FMNL2: variants seen among roughly 807,000 people sequenced by gnomAD.
FMNL2 encodes formin like 2, also known as formin-like protein 2.
A neutral mutation model predicts 130.2 loss-of-function variants in FMNL2; 51 were observed. The observed-to-expected ratio is 0.39, with a 90% CI of 0.31 to 0.49. The LOEUF is 0.49. Ranked by LOEUF, FMNL2 falls within the 20% of genes least tolerant of loss-of-function variation. The pLI, the probability that FMNL2 is intolerant of heterozygous loss-of-function variation, is 0.85. For missense variants in FMNL2, 977 were observed against 1,316.2 expected, an observed-to-expected ratio of 0.74 and a Z score of 3.99; for synonymous variants, 465 against 467.1, an observed-to-expected ratio of 1.00 and a Z score of 0.06.
At chr2:152,481,070 T>TA (rs1166229133) in intron 1 of FMNL2, among the ~76,000 whole-genome samples, 1 of 152,246 alleles carries the variant, frequency 6.6e-6, no homozygotes, top group African/African-American at 2.4e-5. Context: ...TGCTTGTGCA[T>TA]AGTCATTCTG....
chr2:152,369,631 A>C (rs1458958826), intron 1 of FMNL2, among the ~76,000 whole-genome samples: 1 of 152,202 alleles, frequency 6.6e-6, no homozygotes. Context: ...GACACATGCA[A>C]CTTAGCCTCT....
At chr2:152,574,806 A>G (rs1164642076) in intron 6 of FMNL2, among the ~76,000 whole-genome samples, 2 of 152,164 alleles carry the variant, frequency 1.3e-5, no homozygotes, top group Non-Finnish European at 2.9e-5. Context: ...TAAGAAAGAT[A>G]GAGGAAGGGG....
At chr2:152,347,546 G>A (rs1682198550) in intron 1 of FMNL2, among the ~76,000 whole-genome samples, 1 of 152,112 alleles carries the variant, frequency 6.6e-6, no homozygotes, top group Admixed American at 6.6e-5. Context: ...GGGAGGGATG[G>A]CCACAGAGAA....
intron 9 of FMNL2, 67 bp from the exon 10 acceptor site, chr2:152,607,272 T>G: frequency 7.7e-7 from 1 of 1,290,484 alleles, no homozygotes; most frequent in Non-Finnish European, 1.1e-6. Flanking sequence ...AAGCTGAAAT[T>G]TCTGCATCTA....
intron 1 of FMNL2, among the ~76,000 whole-genome samples, chr2:152,389,546 C>T (rs373909696): frequency 1.3e-5 from 2 of 152,216 alleles, no homozygotes; most frequent in South Asian, 2.1e-4. Flanking sequence ...TCTTTAACTC[C>T]GAATTCTTAT....
rs749994587 is a variant in FMNL2 at position 152,625,481 on chromosome 2, A to G, written c.1881A>G (p.Pro627=). ...CAATCAAGACGAAGTTCAGAATGCC[A>G]GTGTTTAACTGGGTTGCTCTGAAGC... ...KKPIKTKFRM[P]VFNWVALKPN... is the part of the protein sequence containing the mutation. The change falls in exon 16 of 26, where the codon CCA becomes CCG. Residue 627 remains proline (P), a synonymous_variant. Transcript: ENST00000288670. 4 of 1,611,588 alleles carry G rather than the reference A, an allele frequency of 2.5e-6. No homozygotes were observed. In the South Asian group the frequency reaches 3.3e-5, roughly 13 times the overall value.
chr2:152,346,076 G>T (rs1483609237), intron 1 of FMNL2, among the ~76,000 whole-genome samples: 1 of 151,794 alleles, frequency 6.6e-6, no homozygotes, highest in Non-Finnish European at 1.5e-5. Flanking sequence ...CCACGCTGGA[G>T]TGCAGTGGCA....
intron 1 of FMNL2, among the ~76,000 whole-genome samples, chr2:152,381,102 C>G (rs568417964): frequency 6.6e-6 from 1 of 152,166 alleles, no homozygotes; most frequent in East Asian, 1.9e-4. Context: ...TTAATCTGAC[C>G]AAATTTCATG....
intron 1 of FMNL2, among the ~76,000 whole-genome samples, chr2:152,407,391 G>A (rs994682746): frequency 6.6e-6 from 1 of 151,882 alleles, no homozygotes; most frequent in Non-Finnish European, 1.5e-5. Flanking sequence ...AGCCCTGGGC[G>A]ATGCGGTGTG....
intron 1 of FMNL2, among the ~76,000 whole-genome samples, chr2:152,421,455 A>G (rs562492229): frequency 6.6e-6 from 1 of 152,328 alleles, no homozygotes; most frequent in South Asian, 2.1e-4. Flanking sequence ...GGGAAACTCA[A>G]GTGCAATTGT....
intron 15 of FMNL2, chr2:152,620,934 ATCTTCCCCGTCTACCAC>A (rs1357848465): frequency 4.1e-6 from 4 of 985,316 alleles, no homozygotes; most frequent in Admixed American, 6.1e-5. Context: ...ACCCTTCAAG[ATCTTCCCCGTCTACCAC>A]TTTCTTCTAG....
At chr2:152,406,247 A>G (rs1477456459) in intron 1 of FMNL2, among the ~76,000 whole-genome samples, 1 of 152,172 alleles carries the variant, frequency 6.6e-6, no homozygotes, top group East Asian at 1.9e-4. Context: ...ATTTACATTC[A>G]TGTTGTTTTT....
intron 3 of FMNL2, among the ~76,000 whole-genome samples, chr2:152,547,223 G>C (rs922525580): frequency 2.0e-5 from 3 of 152,128 alleles, no homozygotes; most frequent in African/African-American, 7.2e-5. Context: ...GATTACAGGC[G>C]TGAGCCACTG....
At chr2:152,578,867 T>A in intron 7 of FMNL2, 21 bp from the exon 8 acceptor site, 1 of 1,599,334 alleles carries the variant, frequency 6.3e-7, no homozygotes, top group Non-Finnish European at 8.5e-7. Context: ...GTGTTTCTTT[T>A]TTTTTCCATG....
At chr2:152,610,083 A>G (rs1698596947) in intron 10 of FMNL2, among the ~76,000 whole-genome samples, 2 of 152,202 alleles carry the variant, frequency 1.3e-5, no homozygotes, top group African/African-American at 2.4e-5. Context: ...AGGGAATGCA[A>G]ACTCGTTGAT....
intron 4 of FMNL2, among the ~76,000 whole-genome samples, chr2:152,550,549 TTGGCTCAAGTTGCTC>T (rs1207095817): frequency 3.9e-5 from 6 of 152,188 alleles, no homozygotes; most frequent in Admixed American, 3.9e-4. Flanking sequence ...GCCAGGTGCT[TTGGCTCAAGTTGCTC>T]TGTTGTTTTT....
At chr2:152,342,031 T>G (rs1193724793) in intron 1 of FMNL2, among the ~76,000 whole-genome samples, 1 of 152,192 alleles carries the variant, frequency 6.6e-6, no homozygotes, top group South Asian at 2.1e-4. Flanking sequence ...TTATAACACC[T>G]GAGAGTGGGG....
chr2:152,446,807 T>C (rs1385826010), intron 1 of FMNL2, among the ~76,000 whole-genome samples: 1 of 152,218 alleles, frequency 6.6e-6, no homozygotes, highest in East Asian at 1.9e-4. Context: ...CTGATTTTTC[T>C]GTATACCATT....
At chr2:152,396,029 A>T (rs529698811) in intron 1 of FMNL2, among the ~76,000 whole-genome samples, 1 of 152,216 alleles carries the variant, frequency 6.6e-6, no homozygotes, top group Non-Finnish European at 1.5e-5. Context: ...TTGTCACTAT[A>T]GAGAGTGAAT....
Sources: allele counts gnomAD v4.1 joint callset (sites outside exome capture counted in the v4.1 genomes callset), GRCh38; gene constraint gnomAD v4.1.1; transcripts MANE v1.5; gene names NCBI Gene and HGNC (gene_info 2026-07-23, HGNC 2026-07-21).